Variants in ATL2 observed in about 807,000 individuals in gnomAD.
ATL2 encodes atlastin-2.
In ATL2, 31 loss-of-function variants were observed where a neutral mutation model predicts 73.9. That is an observed-to-expected ratio of 0.42 (90% CI 0.32 to 0.57). The LOEUF (loss-of-function observed/expected upper bound fraction) is 0.57, where lower values mean the gene tolerates loss of function less well. Among genes scored for constraint, ATL2 ranks in the 20% least tolerant of loss-of-function variants. The pLI, the probability that ATL2 is intolerant of heterozygous loss-of-function variation, is 0.14. For synonymous variants in ATL2, 291 were observed against 237.5 expected (o/e 1.23, Z -2.07); for missense variants, 738 against 702.6 (o/e 1.05, Z -0.57).
At position 38,314,575 on chromosome 2, in the gene ATL2, C is replaced by T. The variant is rs771887650; in HGVS notation, c.711+33G>A. Reference sequence around the variant, plus strand: ...AGGTGGCTTCACAACTTCTCATAGGCTAATCTTTAAAATGTTAGAATAACT... The same window carrying T: ...AGGTGGCTTCACAACTTCTCATAGGTTAATCTTTAAAATGTTAGAATAACT... On this transcript the variant is annotated intron_variant, in intron 6 of 12. Transcript: ENST00000378954. The T allele has an allele frequency of 1.9e-5, 29 of 1,511,184 alleles. 1 individual carries two copies. The South Asian group carries it at 3.2e-4, about 17-fold the overall frequency. 93.6% of individuals were successfully genotyped at this position (1,511,184 alleles called of 1,614,324 possible). A position where few individuals can be genotyped will look rare whatever the true frequency, so the allele number is the denominator to read the frequency against.
intron 12 of ATL2, chr2:38,296,437 T>A (rs770529152): frequency 1.3e-6 from 2 of 1,562,398 alleles, no homozygotes; most frequent in East Asian, 2.4e-5. Flanking sequence ...GTCCTACATG[T>A]GTAAGTGTGA....
chr2:38,344,247 C>G (rs1349440271), intron 1 of ATL2, among the ~76,000 whole-genome samples: 3 of 152,132 alleles, frequency 2.0e-5, no homozygotes, highest in Non-Finnish European at 4.4e-5. Flanking sequence ...CTTCAAATCC[C>G]AATTTTCCCT....
chr2:38,373,685 C>A (rs1185027251), intron 1 of ATL2, among the ~76,000 whole-genome samples: 1 of 151,972 alleles, frequency 6.6e-6, no homozygotes, highest in Non-Finnish European at 1.5e-5. Context: ...GTGTATATAC[C>A]CAAGCACACA....
At chr2:38,298,123 A>C (rs149100965) in intron 12 of ATL2, 21 bp downstream of exon 12, 1 of 1,575,100 alleles carries the variant, frequency 6.3e-7, no homozygotes, top group East Asian at 2.3e-5. Context: ...GTCACTAAAA[A>C]ACCAAAAGAT....
intron 2 of ATL2, among the ~76,000 whole-genome samples, chr2:38,339,863 G>A (rs1178466222): frequency 1.3e-5 from 2 of 152,078 alleles, no homozygotes; most frequent in African/African-American, 2.4e-5. Flanking sequence ...GCTAATTTTT[G>A]TATTTTTAGT....
At chr2:38,365,347 T>C (rs1224748659) in intron 1 of ATL2, among the ~76,000 whole-genome samples, 1 of 152,068 alleles carries the variant, frequency 6.6e-6, no homozygotes, top group Non-Finnish European at 1.5e-5. Flanking sequence ...AGATGACTGT[T>C]ACAGCAGCAG....
intron 8 of ATL2, 142 bp downstream of exon 8, chr2:38,310,167 G>A: frequency 1.1e-6 from 1 of 911,740 alleles, no homozygotes; most frequent in East Asian, 2.7e-5. Flanking sequence ...AAACAACACA[G>A]AGCATTACAA....
intron 2 of ATL2, among the ~76,000 whole-genome samples, chr2:38,338,266 G>T (rs1011214180): frequency 6.6e-6 from 1 of 152,094 alleles, no homozygotes; most frequent in Admixed American, 6.6e-5. Flanking sequence ...GGGTACTCAC[G>T]TACACAAAGA....
chr2:38,300,178 C>T, intron 10 of ATL2, 94 bp downstream of exon 10: 2 of 1,094,300 alleles, frequency 1.8e-6, no homozygotes, highest in Non-Finnish European at 2.7e-6. Flanking sequence ...AAAAAAGCAC[C>T]CCCCATTTTC....
chr2:38,370,235 G>A (rs1213169537), intron 1 of ATL2, among the ~76,000 whole-genome samples: 1 of 147,050 alleles, frequency 6.8e-6, no homozygotes, highest in Non-Finnish European at 1.5e-5. Context: ...GGGCCGAGGT[G>A]GGTGGATCAC....
At chr2:38,367,824 G>T (rs1274932069) in intron 1 of ATL2, among the ~76,000 whole-genome samples, 3 of 151,308 alleles carry the variant, frequency 2.0e-5, no homozygotes, top group African/African-American at 7.3e-5. Context: ...GTAGAGATGG[G>T]GTTTCACCAT....
intron 12 of ATL2, chr2:38,296,617 G>A (rs555721463): frequency 6.2e-7 from 1 of 1,611,576 alleles, no homozygotes; most frequent in East Asian, 2.2e-5. Context: ...TTTGTTAGGA[G>A]AATGAATCAG....
chr2:38,308,826 G>C (rs1447348892), intron 9 of ATL2, among the ~76,000 whole-genome samples: 1 of 151,732 alleles, frequency 6.6e-6, no homozygotes, highest in Non-Finnish European at 1.5e-5. Context: ...TAACTATCAA[G>C]TATCCAATAA....
At chr2:38,331,604 C>T (rs1346911719) in intron 2 of ATL2, among the ~76,000 whole-genome samples, 1 of 118,926 alleles carries the variant, frequency 8.4e-6, no homozygotes, top group Non-Finnish European at 1.7e-5. Flanking sequence ...CAGAGCAAGA[C>T]TCCATCTCAA....
intron 1 of ATL2, chr2:38,358,598 C>T (rs1002849981): frequency 1.1e-5 from 3 of 281,418 alleles, no homozygotes; most frequent in Admixed American, 4.1e-5. Flanking sequence ...AGGCTGAGGC[C>T]GGAGAATGGC....
At chr2:38,337,349 C>T (rs1027553777) in intron 2 of ATL2, among the ~76,000 whole-genome samples, 4 of 150,322 alleles carry the variant, frequency 2.7e-5, no homozygotes, top group African/African-American at 7.3e-5. Flanking sequence ...AGCCAGGTGT[C>T]GTGGTGCGCA....
intron 9 of ATL2, among the ~76,000 whole-genome samples, chr2:38,301,589 T>C (rs934801587): frequency 6.6e-6 from 1 of 152,156 alleles, no homozygotes; most frequent in Non-Finnish European, 1.5e-5. Flanking sequence ...TCGAAAGCAG[T>C]GACTGTGGAA....
intron 1 of ATL2, among the ~76,000 whole-genome samples, chr2:38,360,259 CTT>C (rs566192942): frequency 2.2e-5 from 3 of 135,350 alleles, no homozygotes. Flanking sequence ...TCAGGGGATT[CTT>C]TTTTTTTTTT....
At chr2:38,316,752 T>G (rs1668045446) in intron 4 of ATL2, among the ~76,000 whole-genome samples, 1 of 152,082 alleles carries the variant, frequency 6.6e-6, no homozygotes, top group South Asian at 2.1e-4. Flanking sequence ...CTGCACAGCT[T>G]TAAGTGGCTG....
Sources: gnomAD v4.1 joint callset for allele counts (sites outside exome capture counted in the v4.1 genomes callset) on GRCh38, gnomAD v4.1.1 for gene constraint, MANE v1.5 for transcripts, NCBI Gene and HGNC (gene_info 2026-07-23, HGNC 2026-07-21) for gene names.